Variants in PTPRD observed in about 807,000 individuals in gnomAD.
PTPRD encodes the protein protein tyrosine phosphatase receptor type D.
A neutral mutation model predicts 214.5 loss-of-function variants in PTPRD; 34 were observed. That is an observed-to-expected ratio of 0.16 (90% CI 0.12 to 0.21). The LOEUF is 0.21. PTPRD is among the 10% of genes least tolerant of loss of function. PTPRD has a pLI of 1.00. For synonymous variants in PTPRD, 1,128 were observed against 845.7 expected (o/e 1.33, Z -5.79); for missense variants, 2,545 against 2,398.7 (o/e 1.06, Z -1.27).
intron 9 of PTPRD, among the ~76,000 whole-genome samples, chr9:9,246,945 C>T (rs185071723): frequency 2.6e-5 from 4 of 152,112 alleles, no homozygotes; most frequent in Admixed American, 1.3e-4. Flanking sequence ...AACTTCAGAA[C>T]CAAGGTCTCT....
rs1245284728 is a variant in PTPRD, at chr9:10,231,989, A to AGAGTGTGTGTGT, written c.-545+108973_-545+108974insACACACACACTC. 2.8e-3 allele frequency among the ~76,000 whole-genome samples: 256 copies of AGAGTGTGTGTGT among 92,478 alleles called. 1 individual carries two copies. Among genetic ancestry groups the AGAGTGTGTGTGT allele is most frequent in the African/African-American group, 5.1e-3 (97 of 18,956 alleles). 60.7% of individuals were successfully genotyped at this position (92,478 alleles called of 152,430 possible). A position where few individuals can be genotyped will look rare whatever the true frequency, so the allele number is the denominator to read the frequency against. On this transcript the variant is annotated intron_variant, in intron 3 of 45. Transcript: ENST00000381196. Reference sequence around the variant, plus strand: ...GAGAGAGAGAGAGAGAGAGAGAGAGAGTGTGTGTGTGTGTGTGTGTGTGTG... The same window carrying AGAGTGTGTGTGT: ...GAGAGAGAGAGAGAGAGAGAGAGAGAGAGTGTGTGTGTGTGTGTGTGTGTGTGTGTGTGTGTG...
At chr9:10,409,348 A>T (rs543983974) in intron 2 of PTPRD, among the ~76,000 whole-genome samples, 1 of 151,890 alleles carries the variant, frequency 6.6e-6, no homozygotes, top group African/African-American at 2.4e-5. Context: ...TAATAAGCTG[A>T]TATCCTTTCT....
intron 2 of PTPRD, among the ~76,000 whole-genome samples, chr9:10,471,041 C>T (rs529394390): frequency 6.6e-6 from 1 of 152,016 alleles, no homozygotes; most frequent in Non-Finnish European, 1.5e-5. Flanking sequence ...CAAACTAACA[C>T]AGGAAAGAAA....
At chr9:9,659,529 T>C (rs1488446187) in intron 7 of PTPRD, among the ~76,000 whole-genome samples, 2 of 151,712 alleles carry the variant, frequency 1.3e-5, no homozygotes, top group Non-Finnish European at 2.9e-5. Context: ...GGTGTTAGTA[T>C]TTTTTTTAAA....
intron 2 of PTPRD, among the ~76,000 whole-genome samples, chr9:10,424,792 G>A (rs750592831): frequency 6.6e-6 from 1 of 151,718 alleles, no homozygotes; most frequent in Non-Finnish European, 1.5e-5. Context: ...AAACCCTGCT[G>A]GAAATAAATA....
intron 2 of PTPRD, among the ~76,000 whole-genome samples, chr9:10,471,267 C>G (rs1272013329): frequency 6.6e-6 from 1 of 151,990 alleles, no homozygotes; most frequent in African/African-American, 2.4e-5. Context: ...GCACGTTATG[C>G]ACATGTATCC....
At chr9:9,244,322 T>C (rs939468929) in intron 9 of PTPRD, among the ~76,000 whole-genome samples, 21 of 152,110 alleles carry the variant, frequency 1.4e-4, no homozygotes, top group African/African-American at 5.1e-4. Flanking sequence ...AGAGCCCGCA[T>C]TGCCAAGTCA....
chr9:9,948,567 CTT>C (rs1403745593), intron 4 of PTPRD, among the ~76,000 whole-genome samples: 1 of 152,066 alleles, frequency 6.6e-6, no homozygotes. Context: ...AGCCTCAACT[CTT>C]TAGTGATTGG....
chr9:9,513,575 A>G (rs2096761677), intron 8 of PTPRD, among the ~76,000 whole-genome samples: 1 of 137,506 alleles, frequency 7.3e-6, no homozygotes, highest in Admixed American at 7.9e-5. Flanking sequence ...ATAACCTGAT[A>G]AAGATATATA....
At chr9:8,914,564 G>T (rs1390920418) in intron 11 of PTPRD, among the ~76,000 whole-genome samples, 1 of 152,120 alleles carries the variant, frequency 6.6e-6, no homozygotes, top group East Asian at 1.9e-4. Context: ...AAGCTGTAAT[G>T]ATTGGGAACT....
chr9:8,970,304 C>A (rs2099229241), intron 11 of PTPRD, among the ~76,000 whole-genome samples: 1 of 151,872 alleles, frequency 6.6e-6, no homozygotes, highest in South Asian at 2.1e-4. Flanking sequence ...GACAGCCCTA[C>A]ACAGTAGAGC....
At chr9:9,779,339 C>CA (rs755549747) in intron 5 of PTPRD, among the ~76,000 whole-genome samples, 1 of 151,912 alleles carries the variant, frequency 6.6e-6, no homozygotes, top group South Asian at 2.1e-4. Context: ...ACAACAAAAA[C>CA]AAAAACTGAT....
intron 39 of PTPRD, among the ~76,000 whole-genome samples, chr9:8,342,974 C>T (rs1039706171): frequency 6.6e-6 from 1 of 152,012 alleles, no homozygotes. Flanking sequence ...CTTTGGTAAT[C>T]ACACTGCTGG....
intron 36 of PTPRD, among the ~76,000 whole-genome samples, chr9:8,391,700 T>C (rs2089630784): frequency 6.6e-6 from 1 of 152,186 alleles, no homozygotes; most frequent in Non-Finnish European, 1.5e-5. Flanking sequence ...GAAAACTTTT[T>C]TCTAAGAAAA....
intron 11 of PTPRD, among the ~76,000 whole-genome samples, chr9:8,899,720 A>G (rs1047286229): frequency 4.6e-5 from 7 of 152,168 alleles, no homozygotes; most frequent in African/African-American, 1.4e-4. Flanking sequence ...TGCATTTGCA[A>G]TGTGTCACAA....
intron 11 of PTPRD, among the ~76,000 whole-genome samples, chr9:8,796,157 G>T (rs954608896): frequency 2.6e-5 from 4 of 152,088 alleles, no homozygotes; most frequent in African/African-American, 9.7e-5. Flanking sequence ...GAATATACAT[G>T]TTTATCTATA....
At chr9:9,175,991 C>G (rs944053791) in intron 10 of PTPRD, among the ~76,000 whole-genome samples, 1 of 152,158 alleles carries the variant, frequency 6.6e-6, no homozygotes, top group African/African-American at 2.4e-5. Context: ...TCTTCTATAG[C>G]TGAGTCTGCA....
At chr9:9,257,593 A>G (rs2131925458) in intron 9 of PTPRD, among the ~76,000 whole-genome samples, 1 of 152,106 alleles carries the variant, frequency 6.6e-6, no homozygotes, top group South Asian at 2.1e-4. Flanking sequence ...GGGGCTCAAG[A>G]CCAGACTGGG....
intron 4 of PTPRD, among the ~76,000 whole-genome samples, chr9:10,032,400 T>C (rs981982109): frequency 2.6e-5 from 4 of 152,198 alleles, no homozygotes; most frequent in African/African-American, 9.6e-5. Flanking sequence ...TCTTTGGAGA[T>C]ATTCTATGGG....
Sources: allele counts gnomAD v4.1 joint callset (sites outside exome capture counted in the v4.1 genomes callset), GRCh38; gene constraint gnomAD v4.1.1; transcripts MANE v1.5; gene names NCBI Gene and HGNC (gene_info 2026-07-23, HGNC 2026-07-21).